The following SLIT1 variants were observed in gnomAD, a reference collection of about 807,000 sequenced individuals.
The protein encoded by SLIT1 is slit homolog 1 protein.
Under a neutral mutation model 186.1 loss-of-function variants are expected in SLIT1, and 66 were observed. The observed-to-expected ratio is 0.35, with a 90% CI of 0.29 to 0.44. The LOEUF is 0.44. Ranked by LOEUF, SLIT1 falls within the 20% of genes least tolerant of loss-of-function variation. The pLI is 1.00. For synonymous variants in SLIT1, 761 were observed against 833.8 expected (o/e 0.91, Z 1.50); for missense variants, 1,638 against 2,037.4 (o/e 0.80, Z 3.77).
rs183428846 is a variant in SLIT1 at position 97,140,466 on chromosome 10, G to A, written c.413+17352C>T. 3.3e-4 allele frequency among the ~76,000 whole-genome samples: 51 copies of A among 152,262 alleles called. No individual in the cohort carries two copies. In the East Asian group the frequency reaches 8.7e-3, roughly 26 times the overall value. ...ACAAACCCGCCAAAGGGAATTCTCCGCTGTGTTTGCACAGCACGAGTGGGC... is the reference window on the plus strand; with the variant it reads ...ACAAACCCGCCAAAGGGAATTCTCCACTGTGTTTGCACAGCACGAGTGGGC... On this transcript the variant is annotated intron_variant, in intron 4 of 36. Coordinates refer to ENST00000266058, the MANE Select transcript of SLIT1 (RefSeq NM_003061.3).
intron 4 of SLIT1, among the ~76,000 whole-genome samples, chr10:97,088,013 G>A (rs779124044): frequency 4.6e-5 from 7 of 152,010 alleles, no homozygotes; most frequent in Non-Finnish European, 8.8e-5. Context: ...ATTTGTGCGT[G>A]CATTCGAGTG....
chr10:97,047,905 G>A (rs937512329), intron 15 of SLIT1, 68 bp downstream of exon 15: 1 of 1,612,976 alleles, frequency 6.2e-7, no homozygotes, highest in Admixed American at 1.7e-5. Flanking sequence ...GTCAACCAAG[G>A]CCCCCAGCCT....
intron 1 of SLIT1, among the ~76,000 whole-genome samples, chr10:97,168,534 C>T (rs538287520): frequency 6.6e-6 from 1 of 152,316 alleles, no homozygotes; most frequent in African/African-American, 2.4e-5. Flanking sequence ...CCTTCCACAA[C>T]GTCATACACT....
chr10:97,087,863 G>C (rs1431608640), intron 4 of SLIT1, among the ~76,000 whole-genome samples: 3 of 152,102 alleles, frequency 2.0e-5, no homozygotes, highest in African/African-American at 7.2e-5. Flanking sequence ...ACACAGCCAG[G>C]TTGGAGAACA....
chr10:97,042,379 C>G (rs1465268487), intron 20 of SLIT1, among the ~76,000 whole-genome samples: 1 of 152,082 alleles, frequency 6.6e-6, no homozygotes, highest in East Asian at 1.9e-4. Flanking sequence ...AGTGACCTTC[C>G]GTGCTTGGTG....
intron 18 of SLIT1, among the ~76,000 whole-genome samples, chr10:97,044,763 C>T (rs558745722): frequency 8.3e-4 from 126 of 152,238 alleles, no homozygotes; most frequent in South Asian, 3.7e-3. Flanking sequence ...GTGTTTTCAC[C>T]CGACTACTCC....
At chr10:97,024,311 G>A (rs539244634) in intron 25 of SLIT1, among the ~76,000 whole-genome samples, 2 of 152,186 alleles carry the variant, frequency 1.3e-5, no homozygotes, top group East Asian at 1.9e-4. Context: ...CCTGGACTCC[G>A]GCCCCCATGC....
intron 7 of SLIT1, 127 bp from the exon 8 acceptor site, chr10:97,063,745 G>C: frequency 9.6e-7 from 1 of 1,043,314 alleles, no homozygotes; most frequent in Admixed American, 2.8e-5. Flanking sequence ...TCTACATTTA[G>C]TCAAGTAGAC....
At chr10:97,066,314 C>G (rs573922798) in intron 4 of SLIT1, among the ~76,000 whole-genome samples, 1 of 152,326 alleles carries the variant, frequency 6.6e-6, no homozygotes, top group Admixed American at 6.5e-5. Context: ...CTGGAGGGAG[C>G]TCAGTCCCCA....
At chr10:97,159,520 G>T (rs1480681079) in intron 3 of SLIT1, among the ~76,000 whole-genome samples, 1 of 152,162 alleles carries the variant, frequency 6.6e-6, no homozygotes, top group Non-Finnish European at 1.5e-5. Flanking sequence ...TTTCCCCCAA[G>T]ACTTTCTCAT....
At chr10:97,098,891 A>T (rs1217540067) in intron 4 of SLIT1, among the ~76,000 whole-genome samples, 1 of 152,210 alleles carries the variant, frequency 6.6e-6, no homozygotes, top group Non-Finnish European at 1.5e-5. Context: ...CGTGGCTGTC[A>T]GTAGGAACTC....
In SLIT1 at chr10:97,145,837, C is replaced by T. The variant is rs142183571; in HGVS notation, c.413+11981G>A. On this transcript the variant is annotated intron_variant, in intron 4 of 36. Coordinates refer to ENST00000266058, the MANE Select transcript of SLIT1 (RefSeq NM_003061.3). The stretch of plus-strand genomic sequence containing the variant: ...ACTGGGGCCAAAGCCAGACAGACTG[C>T]GGCAGTGAGGAGCCCAGGGCTCCTT... Among the ~76,000 whole-genome samples the T allele has an allele frequency of 4.1e-4, 62 of 152,258 alleles. No individual in the cohort carries two copies. The East Asian group carries it at 0.01, about 25-fold the overall frequency.
At chr10:97,047,600 A>G (rs1193133573) in intron 16 of SLIT1, 90 bp downstream of exon 16, 12 of 1,329,786 alleles carry the variant, frequency 9.0e-6, no homozygotes, top group Non-Finnish European at 1.3e-5. Context: ...AGCCCCAGAC[A>G]GGGCTGGACC....
At position 97,184,995 on chromosome 10, in the gene SLIT1, G is replaced by A. The variant is rs1410327153; in HGVS notation, c.197+483C>T. ...GAAGAAGGGGCAGACCAGAAACTTC[G>A]CCTCCATCCCACCCTGCTGCCCTTC... On this transcript the variant is annotated intron_variant, in intron 1 of 36. Transcript: ENST00000266058. This position sits in a 1 kb window ranked among gnomAD's most constrained non-coding sequence, Gnocchi z 4.4. Among the ~76,000 whole-genome samples the A allele has an allele frequency of 6.6e-6, 1 of 152,238 alleles. No individual in the cohort carries two copies. The highest frequency in any genetic ancestry group is 1.5e-5 in the Non-Finnish European group (1 of 68,042).
rs764811282 is a variant in SLIT1, at chr10:97,052,263, AT to A, written c.1302-3146del. Among the ~76,000 whole-genome samples, 3 of 151,948 alleles carry A rather than the reference AT, an allele frequency of 2.0e-5. No individual in the cohort carries two copies. The East Asian group carries it at 5.8e-4, about 29-fold the overall frequency. On this transcript the variant is annotated intron_variant, in intron 13 of 36. Transcript: ENST00000266058. Reference sequence around the variant, plus strand: ...AGGCATGCACCACCACACCTGGCTAATTTTTAAGAATTTTGTGTAGAGGTGG... The same window carrying A: ...AGGCATGCACCACCACACCTGGCTAATTTTAAGAATTTTGTGTAGAGGTGG...
chr10:97,026,991 G>A (rs1452925222), intron 25 of SLIT1, among the ~76,000 whole-genome samples: 1 of 152,156 alleles, frequency 6.6e-6, no homozygotes, highest in Admixed American at 6.5e-5. Context: ...GAGTTCAAGG[G>A]TTTTAAATAG....
At chr10:97,033,050 CTTTTTTT>C (rs71007311) in intron 23 of SLIT1, among the ~76,000 whole-genome samples, 2 of 139,786 alleles carry the variant, frequency 1.4e-5, no homozygotes, top group African/African-American at 5.3e-5. Context: ...TTCTTTCTTT[CTTTTTTT>C]TTTTTTTTTG....
At chr10:97,106,042 C>T (rs1189289731) in intron 4 of SLIT1, among the ~76,000 whole-genome samples, 1 of 152,190 alleles carries the variant, frequency 6.6e-6, no homozygotes, top group Admixed American at 6.5e-5. Context: ...GCAGCTTCTG[C>T]TCACCCTACT....
intron 20 of SLIT1, 96 bp downstream of exon 20, chr10:97,042,805 G>T: frequency 7.5e-7 from 1 of 1,334,530 alleles, no homozygotes; most frequent in Non-Finnish European, 1.0e-6. Flanking sequence ...CATGCCAGGG[G>T]GTGCTGCCTG....
Sources: gnomAD v4.1 joint callset for allele counts (sites outside exome capture counted in the v4.1 genomes callset) on GRCh38, gnomAD v4.1.1 for gene constraint, Gnocchi (gnomAD v3.1) non-coding constraint, MANE v1.5 for transcripts, NCBI Gene and HGNC (gene_info 2026-07-23, HGNC 2026-07-21) for gene names.